TSKU: variants seen among roughly 807,000 people sequenced by gnomAD.
The protein encoded by TSKU is tsukushi, small leucine rich proteoglycan.
TSKU carries 4 observed loss-of-function variants against 11.2 expected under a neutral mutation model. The ratio of observed to expected loss-of-function variants is 0.36; its 90% CI spans 0.18 to 0.82. The LOEUF (loss-of-function observed/expected upper bound fraction) is 0.82. Ranked by LOEUF, TSKU falls within the 40% of genes least tolerant of loss-of-function variation. The pLI, the probability that TSKU is intolerant of heterozygous loss-of-function variation, is 0.50. For missense variants in TSKU, 407 were observed against 482.5 expected, an observed-to-expected ratio of 0.84 and a Z score of 1.47; for synonymous variants, 220 against 232.2, an observed-to-expected ratio of 0.95 and a Z score of 0.48.
chr11:76,794,555 G>T (rs934994838), intron 1 of TSKU, among the ~76,000 whole-genome samples: 1 of 152,350 alleles, frequency 6.6e-6, no homozygotes, highest in East Asian at 1.9e-4. Flanking sequence ...ACTAGTTTGG[G>T]GTAAGGCCCT....
chr11:76,782,951 C>G (rs1429948201), upstream of TSKU: 2 of 152,450 alleles, frequency 1.3e-5, no homozygotes, highest in South Asian at 4.1e-4. Flanking sequence ...AATTCCCTCT[C>G]TCTTTCCACA....
At chr11:76,787,318 A>G (rs2134387986) in intron 1 of TSKU, among the ~76,000 whole-genome samples, 1 of 152,182 alleles carries the variant, frequency 6.6e-6, no homozygotes, top group Non-Finnish European at 1.5e-5. Context: ...GAAAGGAGAA[A>G]ATCTTACTGG....
upstream of TSKU, chr11:76,783,251 C>T (rs1428536041): frequency 6.0e-5 from 9 of 150,496 alleles, no homozygotes; most frequent in Non-Finnish European, 1.3e-4. Flanking sequence ...CGCGGCCGGC[C>T]CGAGCCGCCA....
At chr11:76,782,460 G>C (rs1478040555), upstream of TSKU, 2 of 151,618 alleles carry the variant, frequency 1.3e-5, no homozygotes, top group Non-Finnish European at 2.9e-5. Flanking sequence ...TGTGTAGACT[G>C]GGAGCCACCC....
chr11:76,787,152 G>A (rs1165500377), intron 1 of TSKU, among the ~76,000 whole-genome samples: 1 of 152,158 alleles, frequency 6.6e-6, no homozygotes, highest in African/African-American at 2.4e-5. Context: ...GTGAGGGCAC[G>A]AGCAAGCCTC....
At position 76,797,485 on chromosome 11, in the gene TSKU, G is replaced by A. The variant is rs1311702933; in HGVS notation, c.*807G>A. ...GGGCCTCTGACCAGCTGTGCGGCAT[G>A]GGCTAAGTCACTCTGCCCTTCGGAG... is the stretch of plus-strand genomic sequence containing the variant. On this transcript the variant is annotated 3_prime_UTR_variant, in exon 2 of 2. Coordinates refer to ENST00000333090, the MANE Select transcript of TSKU (RefSeq NM_015516.4). 1 of 167,166 alleles carries A rather than the reference G, an allele frequency of 6.0e-6. No homozygotes were observed. Among genetic ancestry groups the A allele is most frequent in the Admixed American group, 6.5e-5 (1 of 15,294 alleles). The allele number at this position is 167,166 out of a possible 1,614,324, so 10.4% of individuals were successfully genotyped here. A position where few individuals can be genotyped will look rare whatever the true frequency, so the allele number is the denominator to read the frequency against.
intron 1 of TSKU, among the ~76,000 whole-genome samples, chr11:76,783,835 G>T (rs1590814560): frequency 6.6e-6 from 1 of 152,196 alleles, no homozygotes; most frequent in Non-Finnish European, 1.5e-5. Context: ...GTACGTGGTC[G>T]GTGCCTGCCG....
In TSKU at chr11:76,796,964, A is replaced by C; in HGVS notation, c.*286A>C. 4.5e-5 allele frequency: 12 copies of C among 263,842 alleles called. No homozygotes were observed. Among genetic ancestry groups the C allele is most frequent in the Non-Finnish European group, 9.2e-5 (12 of 130,520 alleles). 16.3% of individuals were successfully genotyped at this position (263,842 alleles called of 1,614,324 possible). A position where few individuals can be genotyped will look rare whatever the true frequency, so the allele number is the denominator to read the frequency against. ...TGCTTCCCTTCCCCACTTATCCCCC[A>C]AGTGCCTTCCCTCATGCCTGGGCCG... On this transcript the variant is annotated 3_prime_UTR_variant, in exon 2 of 2. Transcript: ENST00000333090. This position sits in a 1 kb window ranked among gnomAD's most constrained non-coding sequence, Gnocchi z 4.1.
chr11:76,786,388 GA>G, intron 1 of TSKU, among the ~76,000 whole-genome samples: 1 of 152,006 alleles, frequency 6.6e-6, no homozygotes, highest in South Asian at 2.1e-4. Context: ...CTTTTTGAAT[GA>G]AATGTGTGAG....
chr11:76,796,976 T>A lies in TSKU; in HGVS notation c.*298T>A. ...CCACTTATCCCCCAAGTGCCTTCCC[T>A]CATGCCTGGGCCGGCCTGACCCGCA... is the stretch of plus-strand genomic sequence containing the variant. On this transcript the variant is annotated 3_prime_UTR_variant, in exon 2 of 2. Transcript: ENST00000333090. The surrounding 1 kb of genome is among the most constrained non-coding windows in gnomAD (Gnocchi z 4.1). The A allele has an allele frequency of 8.6e-6, 2 of 231,368 alleles. No homozygotes were observed. The highest frequency in any genetic ancestry group is 9.1e-6 in the Non-Finnish European group (1 of 110,282). The allele number at this position is 231,368 out of a possible 1,614,324, so 14.3% of individuals were successfully genotyped here. A position where few individuals can be genotyped will look rare whatever the true frequency, so the allele number is the denominator to read the frequency against.
At chr11:76,788,504 G>T (rs999349811) in intron 1 of TSKU, among the ~76,000 whole-genome samples, 1 of 152,120 alleles carries the variant, frequency 6.6e-6, no homozygotes. Context: ...AACTTGGGTG[G>T]GGAGGAACAT....
intron 1 of TSKU, chr11:76,792,135 C>A (rs538506806): frequency 1.3e-5 from 2 of 152,394 alleles, no homozygotes; most frequent in East Asian, 3.9e-4. Flanking sequence ...ATCAGCATGA[C>A]TCAGATATGC....
intron 1 of TSKU, among the ~76,000 whole-genome samples, chr11:76,783,671 A>G (rs1325371303): frequency 1.3e-5 from 2 of 151,954 alleles, no homozygotes; most frequent in African/African-American, 4.8e-5. Flanking sequence ...CGTGCATCTC[A>G]CGTTTGTGGG....
At chr11:76,792,420 G>C (rs1172385833) in intron 1 of TSKU, 1 of 152,174 alleles carries the variant, frequency 6.6e-6, no homozygotes, top group African/African-American at 2.4e-5. Context: ...TAAGACTTTG[G>C]GGGACTGTTG....
Position 76,795,750 on chromosome 11 carries a change from G to A in TSKU, c.134G>A (p.Ser45Asn). The change falls in exon 2 of 2, where the codon AGC becomes AAC. Residue 45 changes from serine to asparagine, a missense_variant. By Grantham distance (46) the Ser-to-Asn change is conservative. Coordinates refer to ENST00000333090, the MANE Select transcript of TSKU (RefSeq NM_015516.4). ...TTCAGCCTGACTCGGGTGGATTGTAGCGGCCTGGGCCCCCACATCATGCCG... is the reference window on the plus strand; with the variant it reads ...TTCAGCCTGACTCGGGTGGATTGTAACGGCCTGGGCCCCCACATCATGCCG... ...DSFSLTRVDC[S>N]GLGPHIMPVP... 1.2e-6 allele frequency: 2 copies of A among 1,614,200 alleles called. No homozygotes were observed. Among genetic ancestry groups the A allele is most frequent in the Non-Finnish European group, 1.7e-6 (2 of 1,180,046 alleles).
chr11:76,794,730 A>T lies in TSKU; in HGVS notation c.-8-879A>T, dbSNP rs564648702. Among the ~76,000 whole-genome samples the T allele has an allele frequency of 2.0e-5, 3 of 152,270 alleles. No individual in the cohort carries two copies. The East Asian group carries it at 5.8e-4, about 29-fold the overall frequency. On this transcript the variant is annotated intron_variant, in intron 1 of 1. Transcript: ENST00000333090. ...CTTGGGACAGGTGTCCCCAAAACCC[A>T]TCTGGGAATCTGGACACCCACGTTG...
intron 1 of TSKU, among the ~76,000 whole-genome samples, chr11:76,788,231 G>A (rs112885159): frequency 1.2e-3 from 180 of 152,158 alleles, no homozygotes; most frequent in African/African-American, 4.0e-3. Context: ...GGCCGGTCTC[G>A]GGGGTGCTGG....
chr11:76,795,228 G>A (rs1044470275), intron 1 of TSKU, among the ~76,000 whole-genome samples: 2 of 152,206 alleles, frequency 1.3e-5, no homozygotes, highest in African/African-American at 2.4e-5. Flanking sequence ...AGGCCAGCCC[G>A]AGAAACCGTC....
chr11:76,793,324 A>G (rs139417690), intron 1 of TSKU, among the ~76,000 whole-genome samples: 1 of 152,372 alleles, frequency 6.6e-6, no homozygotes, highest in African/African-American at 2.4e-5. Flanking sequence ...GTAAGGGTTA[A>G]TCAACTTAGG....
Sources: gnomAD v4.1 joint callset for allele counts (sites outside exome capture counted in the v4.1 genomes callset) on GRCh38, gnomAD v4.1.1 for gene constraint, Gnocchi (gnomAD v3.1) non-coding constraint, MANE v1.5 for transcripts, NCBI Gene and HGNC (gene_info 2026-07-23, HGNC 2026-07-21) for gene names.